Variants in PCTP observed in about 807,000 individuals in gnomAD.
The protein encoded by PCTP is START domain-containing protein 2.
Under a neutral mutation model 31.0 loss-of-function variants are expected in PCTP, and 27 were observed. The ratio of observed to expected loss-of-function variants is 0.87; its 90% confidence interval spans 0.64 to 1.20. PCTP has a LOEUF of 1.20. Ranked by LOEUF, PCTP falls within the 50% of genes most tolerant of loss-of-function variation. The pLI, the probability that PCTP is intolerant of heterozygous loss-of-function variation, is 0.00. For missense variants in PCTP, 287 were observed against 268.2 expected, an observed-to-expected ratio of 1.07 and a Z score of -0.49; for synonymous variants, 108 against 101.2, an observed-to-expected ratio of 1.07 and a Z score of -0.40.
intron 3 of PCTP, among the ~76,000 whole-genome samples, chr17:55,816,851 G>T (rs569339363): frequency 6.6e-6 from 1 of 152,328 alleles, no homozygotes; most frequent in South Asian, 2.1e-4. Flanking sequence ...TAGCTTTGGA[G>T]CAGAACGTTT....
chr17:55,780,963 C>T (rs886608224), downstream of PCTP, among the ~76,000 whole-genome samples: 2 of 150,950 alleles, frequency 1.3e-5, no homozygotes, highest in African/African-American at 2.4e-5. Context: ...CTCCCTTGGA[C>T]TGTTACAAGA....
chr17:55,794,307 C>CT (rs892826349), intron 3 of PCTP, among the ~76,000 whole-genome samples: 10 of 150,764 alleles, frequency 6.6e-5, no homozygotes, highest in Non-Finnish European at 1.0e-4. Context: ...TAGTCTTCTT[C>CT]TTTTTTTTTA....
Position 55,797,736 on chromosome 17 carries a change from C to T in PCTP, c.317+10082C>T, listed in dbSNP as rs192980569. Among the ~76,000 whole-genome samples, 51 of 152,118 alleles carry T rather than the reference C, an allele frequency of 3.4e-4. No homozygotes were observed. The East Asian group carries it at 9.1e-3, about 27-fold the overall frequency. ...GTATTGAGACCTGCCTCTAGTATAA[C>T]TGCCTGAGAGAAACAAAACTGAGTC... is the stretch of plus-strand genomic sequence containing the variant. On this transcript the variant is annotated intron_variant, in intron 3 of 3. Transcript: ENST00000572536.
At chr17:55,800,903 G>C (rs923034821) in intron 3 of PCTP, among the ~76,000 whole-genome samples, 2 of 152,020 alleles carry the variant, frequency 1.3e-5, no homozygotes, top group Non-Finnish European at 2.9e-5. Context: ...GTCTGCTGGA[G>C]TTTGCTGGAG....
At chr17:55,825,178 G>C (rs1905356326), downstream of PCTP, among the ~76,000 whole-genome samples, 1 of 152,122 alleles carries the variant, frequency 6.6e-6, no homozygotes, top group African/African-American at 2.4e-5. Flanking sequence ...TCTATGTCGA[G>C]GGCATGGCTG....
chr17:55,789,272 A>G (rs1911867406), intron 3 of PCTP, among the ~76,000 whole-genome samples: 1 of 152,204 alleles, frequency 6.6e-6, no homozygotes, highest in Non-Finnish European at 1.5e-5. Flanking sequence ...TTTGAAAAAT[A>G]AAATTCTCAG....
downstream of PCTP, among the ~76,000 whole-genome samples, chr17:55,779,866 A>G (rs1911496547): frequency 4.6e-5 from 7 of 152,118 alleles, no homozygotes; most frequent in Admixed American, 4.6e-4. Flanking sequence ...TGAAAAACAA[A>G]AGGCTGGAGG....
chr17:55,839,348 A>C (rs1567735987), intron 5 of PCTP, among the ~76,000 whole-genome samples: 1 of 152,210 alleles, frequency 6.6e-6, no homozygotes, highest in Non-Finnish European at 1.5e-5. Context: ...ATAGCAGGAA[A>C]GTCAAATGGA....
chr17:55,850,501 A>G, the PCTP span, among the ~76,000 whole-genome samples: 1 of 152,224 alleles, frequency 6.6e-6, no homozygotes, highest in Admixed American at 6.5e-5. Context: ...AAGACATTAT[A>G]CATTTTTGGA....
Position 55,751,109 on chromosome 17 carries a change from G to A in PCTP, c.6G>A (p.Glu2=), listed in dbSNP as rs1231119686. M[E]LAAGSFSEEQ... is the part of the protein sequence containing the mutation. ...GGAGCCCGGACTGCGGAAGGATGGA[G>A]CTGGCCGCCGGAAGCTTCTCGGAGG... Residue 2 remains glutamate, a synonymous_variant, in exon 1 of 6, where the codon GAG becomes GAA. Coordinates refer to ENST00000268896, the MANE Select transcript of PCTP (RefSeq NM_021213.4). The A allele has an allele frequency of 1.3e-6, 2 of 1,540,108 alleles. No individual in the cohort carries two copies. The highest frequency in any genetic ancestry group is 2.0e-5 in the Admixed American group (1 of 49,978).
At chr17:55,775,435 GAAAA>G (rs912644829) in intron 5 of PCTP, 1 of 1,231,584 alleles carries the variant, frequency 8.1e-7, no homozygotes, top group African/African-American at 1.6e-5. Flanking sequence ...TTGGAAGAGT[GAAAA>G]AGCACATCAA....
chr17:55,767,728 G>A (rs530402926), intron 2 of PCTP, among the ~76,000 whole-genome samples: 3 of 147,394 alleles, frequency 2.0e-5, no homozygotes, highest in Non-Finnish European at 4.5e-5. Context: ...GCCTCCCAAA[G>A]TGCTAGGATT....
At chr17:55,826,214 G>A (rs575997985), downstream of PCTP, among the ~76,000 whole-genome samples, 2 of 152,118 alleles carry the variant, frequency 1.3e-5, no homozygotes, top group African/African-American at 2.4e-5. Flanking sequence ...AATGTTCTCT[G>A]CTCATCAAAG....
chr17:55,844,046 G>A (rs940206212), downstream of PCTP, among the ~76,000 whole-genome samples: 4 of 152,206 alleles, frequency 2.6e-5, no homozygotes, highest in African/African-American at 9.6e-5. Flanking sequence ...AGATTTGAGA[G>A]AGGAAGCGAT....
chr17:55,832,338 G>A (rs1205730092), intron 5 of PCTP, among the ~76,000 whole-genome samples: 1 of 152,202 alleles, frequency 6.6e-6, no homozygotes, highest in Non-Finnish European at 1.5e-5. Context: ...TTAATGTCCA[G>A]ATACATCCTT....
chr17:55,798,743 G>A (rs184630902), intron 3 of PCTP, among the ~76,000 whole-genome samples: 1 of 151,890 alleles, frequency 6.6e-6, no homozygotes, highest in East Asian at 1.9e-4. Flanking sequence ...GAAGATATTT[G>A]TATAGAAGAA....
In PCTP at chr17:55,842,389, A is replaced by C. The variant is rs75142541; in HGVS notation, n.506-338A>C. 9.9e-3 allele frequency among the ~76,000 whole-genome samples: 1,509 copies of C among 152,270 alleles called. 7 individuals carry two copies. The highest frequency in any genetic ancestry group is 0.017 in the Middle Eastern group (5 of 294). ...GTGTTTTTTCCATTGCCTTATTTTC[A>C]CTGAGATGTTGGAAGTCCCAGGAAA... On this transcript the variant is annotated intron_variant and non_coding_transcript_variant, in intron 5 of 5. Coordinates refer to the PCTP transcript ENST00000576221.
At chr17:55,806,699 T>C (rs1912591890) in intron 3 of PCTP, among the ~76,000 whole-genome samples, 1 of 152,142 alleles carries the variant, frequency 6.6e-6, no homozygotes, top group Admixed American at 6.5e-5. Context: ...ACCTCGGTAC[T>C]GGACAGGAAC....
At position 55,835,341 on chromosome 17, in the gene PCTP, A is replaced by C. The variant is rs540704047; in HGVS notation, n.506-7386A>C. Reference sequence around the variant, plus strand: ...TGAACTGCTACCTGTCCCATGCTTCAAGCACCACAAAAGCCTAAACTCCTG... The same window carrying C: ...TGAACTGCTACCTGTCCCATGCTTCCAGCACCACAAAAGCCTAAACTCCTG... On this transcript the variant is annotated intron_variant and non_coding_transcript_variant, in intron 5 of 5. Coordinates refer to the PCTP transcript ENST00000576221. 5.3e-5 allele frequency among the ~76,000 whole-genome samples: 8 copies of C among 152,300 alleles called. No individual in the cohort carries two copies. In the South Asian group the frequency reaches 1.7e-3, roughly 32 times the overall value.
Sources: gnomAD v4.1 joint callset for allele counts (sites outside exome capture counted in the v4.1 genomes callset) on GRCh38, gnomAD v4.1.1 for gene constraint, MANE v1.5 for transcripts, NCBI Gene and HGNC (gene_info 2026-07-23, HGNC 2026-07-21) for gene names.